Variants in MBD5 observed in about 807,000 individuals in gnomAD.
MBD5 encodes methyl-CpG-binding domain protein 5.
A neutral mutation model predicts 117.3 loss-of-function variants in MBD5; 13 were observed. The ratio of observed to expected loss-of-function variants is 0.11; its 90% CI spans 0.07 to 0.18. The LOEUF (loss-of-function observed/expected upper bound fraction) is 0.18. Among genes scored for constraint, MBD5 ranks in the 10% least tolerant of loss-of-function variants. MBD5 has a pLI of 1.00. For missense variants in MBD5, 1,879 were observed against 2,093.8 expected, an observed-to-expected ratio of 0.90 and a Z score of 2.00; for synonymous variants, 727 against 766.4, an observed-to-expected ratio of 0.95 and a Z score of 0.85.
At chr2:148,329,299 C>A (rs193226555) in intron 3 of MBD5, among the ~76,000 whole-genome samples, 1 of 152,254 alleles carries the variant, frequency 6.6e-6, no homozygotes, top group South Asian at 2.1e-4. Context: ...TCAAATTAAT[C>A]CTATAGACAT....
At chr2:148,357,362 T>C (rs1703408099) in intron 4 of MBD5, among the ~76,000 whole-genome samples, 1 of 152,196 alleles carries the variant, frequency 6.6e-6, no homozygotes, top group African/African-American at 2.4e-5. Flanking sequence ...TTACAAATCT[T>C]CCCTCTGAAT....
chr2:148,037,131 TACTCTAA>T (rs1392046537), intron 1 of MBD5, among the ~76,000 whole-genome samples: 1 of 151,996 alleles, frequency 6.6e-6, no homozygotes, highest in Admixed American at 6.6e-5. Context: ...TTTAGTATAC[TACTCTAA>T]AAATTGCAAA....
At chr2:148,304,034 A>G (rs1701833841) in intron 3 of MBD5, among the ~76,000 whole-genome samples, 1 of 152,144 alleles carries the variant, frequency 6.6e-6, no homozygotes, top group Non-Finnish European at 1.5e-5. Flanking sequence ...CTCTCAGCTG[A>G]TATTCCAGGA....
At chr2:148,025,425 T>C (rs1693864943) in intron 1 of MBD5, 1 of 152,030 alleles carries the variant, frequency 6.6e-6, no homozygotes, top group African/African-American at 2.4e-5. Context: ...ATTCTGTATA[T>C]AGTTAACACA....
intron 11 of MBD5, among the ~76,000 whole-genome samples, chr2:148,494,657 A>G (rs16828672): frequency 0.095 from 14,521 of 152,226 alleles, 817 homozygotes; most frequent in East Asian, 0.17. Context: ...CTTGGTTAAC[A>G]ATTTGTAATA....
Position 148,516,318 on chromosome 2 carries a change from G to C in MBD5, c.*3377G>C, listed in dbSNP as rs570901186. On this transcript the variant is annotated 3_prime_UTR_variant, in exon 14 of 14. Transcript: ENST00000642680. ...ATCTAAGATGCTTAAGATGTTGGTG[G>C]CATTGCTCTTTCTGAAAAGAAAGAC... is the stretch of plus-strand genomic sequence containing the variant. 1 of 152,268 alleles carries C rather than the reference G, an allele frequency of 6.6e-6. No homozygotes were observed. Among genetic ancestry groups the C allele is most frequent in the East Asian group, 1.9e-4 (1 of 5,192 alleles). The allele number at this position is 152,268 out of a possible 1,614,324, so 9.4% of individuals were successfully genotyped here.
intron 1 of MBD5, among the ~76,000 whole-genome samples, chr2:148,064,705 G>T (rs1424507766): frequency 6.6e-6 from 1 of 152,104 alleles, no homozygotes; most frequent in Non-Finnish European, 1.5e-5. Context: ...AATTAAAGGA[G>T]CAATAACTTT....
intron 4 of MBD5, among the ~76,000 whole-genome samples, chr2:148,378,932 T>C (rs760258250): frequency 6.6e-6 from 1 of 151,954 alleles, no homozygotes; most frequent in Non-Finnish European, 1.5e-5. Context: ...GAAGAGACAA[T>C]TAGTGGATTG....
chr2:148,434,670 C>T (rs1706101034), intron 4 of MBD5, among the ~76,000 whole-genome samples: 1 of 151,992 alleles, frequency 6.6e-6, no homozygotes, highest in Non-Finnish European at 1.5e-5. Flanking sequence ...TGTTTTATGT[C>T]CAAATGTGTG....
At chr2:148,105,911 G>A (rs1219319682) in intron 1 of MBD5, among the ~76,000 whole-genome samples, 1 of 151,880 alleles carries the variant, frequency 6.6e-6, no homozygotes, top group Non-Finnish European at 1.5e-5. Context: ...GAAGTGTGCT[G>A]CTTATTTTGA....
chr2:148,499,903 T>TA (rs1305927921), intron 11 of MBD5, among the ~76,000 whole-genome samples: 1 of 152,192 alleles, frequency 6.6e-6, no homozygotes, highest in Admixed American at 6.5e-5. Flanking sequence ...CACAACACAG[T>TA]AAAGTGCTAA....
intron 3 of MBD5, among the ~76,000 whole-genome samples, chr2:148,293,596 C>T (rs1701555000): frequency 6.6e-6 from 1 of 152,084 alleles, no homozygotes; most frequent in Admixed American, 6.6e-5. Context: ...TTAGTCTTTC[C>T]CAATCTGTGT....
Position 148,064,558 on chromosome 2 carries a change from G to T in MBD5, c.-925+42874G>T, listed in dbSNP as rs117060233. 1.4e-4 allele frequency among the ~76,000 whole-genome samples: 21 copies of T among 152,090 alleles called. No individual in the cohort carries two copies. The East Asian group carries it at 3.9e-3, about 28-fold the overall frequency. On this transcript the variant is annotated intron_variant, in intron 1 of 13. Transcript: ENST00000642680. ...ATAACCCCTTGAATACTCTAATTTG[G>T]CTGCTAGATACCTTTCTTTGAGGCA...
chr2:148,099,725 A>G (rs1165176818), intron 1 of MBD5, among the ~76,000 whole-genome samples: 1 of 152,194 alleles, frequency 6.6e-6, no homozygotes, highest in African/African-American at 2.4e-5. Context: ...GTTCTTAATT[A>G]GGAAGGACTC....
At chr2:148,434,234 C>A (rs1259183706) in intron 4 of MBD5, among the ~76,000 whole-genome samples, 5 of 151,912 alleles carry the variant, frequency 3.3e-5, no homozygotes, top group African/African-American at 9.7e-5. Context: ...TACCCTTTGT[C>A]ATTTCTAATT....
At chr2:148,135,717 A>G (rs1230047416) in intron 1 of MBD5, among the ~76,000 whole-genome samples, 12 of 152,148 alleles carry the variant, frequency 7.9e-5, no homozygotes, top group Admixed American at 4.6e-4. Flanking sequence ...TAAAAACACC[A>G]TTGGTAAGCT....
intron 3 of MBD5, among the ~76,000 whole-genome samples, chr2:148,297,884 G>A (rs1701692146): frequency 6.6e-6 from 1 of 152,168 alleles, no homozygotes; most frequent in Admixed American, 6.5e-5. Flanking sequence ...TCTCAATAAA[G>A]TCAGTTCTCT....
intron 1 of MBD5, among the ~76,000 whole-genome samples, chr2:148,036,615 A>G (rs1372409731): frequency 1.3e-5 from 2 of 152,040 alleles, no homozygotes; most frequent in Admixed American, 6.6e-5. Flanking sequence ...TCCATCTTTG[A>G]TGAACTAGGT....
intron 1 of MBD5, chr2:148,071,444 A>G (rs1695356722): frequency 1.3e-5 from 2 of 152,074 alleles, no homozygotes. Flanking sequence ...CTAATAATCT[A>G]GTGAAATAAC....
Sources: gnomAD v4.1 joint callset for allele counts (sites outside exome capture counted in the v4.1 genomes callset) on GRCh38, gnomAD v4.1.1 for gene constraint, MANE v1.5 for transcripts, NCBI Gene and HGNC (gene_info 2026-07-23, HGNC 2026-07-21) for gene names.